APBA2: variants seen among roughly 807,000 people sequenced by gnomAD.
APBA2 encodes the protein amyloid-beta A4 precursor protein-binding family A member 2.
Under a neutral mutation model 75.0 loss-of-function variants are expected in APBA2, and 30 were observed. That is an observed-to-expected ratio of 0.40 (90% CI 0.30 to 0.54). The LOEUF is 0.54. Ranked by LOEUF, APBA2 falls within the 20% of genes least tolerant of loss-of-function variation. The pLI, the probability that APBA2 is intolerant of heterozygous loss-of-function variation, is 0.49. For synonymous variants in APBA2, 444 were observed against 409.6 expected (o/e 1.08, Z -1.01); for missense variants, 801 against 1,016.1 (o/e 0.79, Z 2.88).
chr15:29,073,279 A>C (rs1449601540), intron 4 of APBA2, among the ~76,000 whole-genome samples: 1 of 152,234 alleles, frequency 6.6e-6, no homozygotes, highest in Admixed American at 6.5e-5. Context: ...CTCACCTGTC[A>C]AGCAGGGGGA....
At chr15:28,906,350 C>G (rs2033132172) in intron 1 of APBA2, among the ~76,000 whole-genome samples, 1 of 152,172 alleles carries the variant, frequency 6.6e-6, no homozygotes, top group Admixed American at 6.5e-5. Flanking sequence ...CTGGAAGCAG[C>G]ATTATTCTCT....
chr15:28,986,918 C>T (rs1244289264), intron 2 of APBA2, among the ~76,000 whole-genome samples: 4 of 152,190 alleles, frequency 2.6e-5, no homozygotes, highest in African/African-American at 4.8e-5. Context: ...AAGATCAAGG[C>T]GCCAACAGAT....
chr15:28,956,470 C>T (rs531498411), intron 2 of APBA2, among the ~76,000 whole-genome samples: 6 of 152,278 alleles, frequency 3.9e-5, no homozygotes, highest in African/African-American at 1.2e-4. Context: ...GGCTTTCAGT[C>T]CCACGTTTAG....
intron 2 of APBA2, among the ~76,000 whole-genome samples, chr15:28,942,028 G>A (rs139313627): frequency 0.011 from 1,690 of 152,318 alleles, 45 homozygotes; most frequent in African/African-American, 0.039. Context: ...TAAAGTGCTG[G>A]GATTACAGGC....
At chr15:28,934,597 G>GGGCTCTGCCTT (rs1377134745) in intron 2 of APBA2, among the ~76,000 whole-genome samples, 2 of 152,158 alleles carry the variant, frequency 1.3e-5, no homozygotes, top group African/African-American at 4.8e-5. Flanking sequence ...ATGCCACACT[G>GGGCTCTGCCTT]GGCTCTGCCT....
intron 3 of APBA2, among the ~76,000 whole-genome samples, chr15:29,038,187 A>G (rs1036331257): frequency 1.3e-5 from 2 of 151,822 alleles, no homozygotes; most frequent in Admixed American, 6.6e-5. Context: ...CCTTCCCCAC[A>G]CTGTCTGAAC....
At position 29,030,960 on chromosome 15, in the gene APBA2, G is replaced by A. The variant is rs181221652; in HGVS notation, c.-40-22885G>A. On this transcript the variant is annotated intron_variant, in intron 3 of 14. Coordinates refer to ENST00000683413, the MANE Select transcript of APBA2 (RefSeq NM_001353788.2). ...GAAGCTATGTTGTGAAGTTTATAAA[G>A]GTACATGATGCTCTTGGTGGATTAT... 9.9e-4 allele frequency among the ~76,000 whole-genome samples: 150 copies of A among 151,564 alleles called. 1 individual carries two copies. Among genetic ancestry groups the A allele is most frequent in the African/African-American group, 3.3e-3 (138 of 41,316 alleles).
chr15:29,068,927 A>G (rs1349856974), intron 4 of APBA2, among the ~76,000 whole-genome samples: 1 of 152,194 alleles, frequency 6.6e-6, no homozygotes, highest in African/African-American at 2.4e-5. Context: ...ATTTATCACA[A>G]TGTTGTGCAA....
chr15:28,946,135 G>A (rs1466473604), intron 2 of APBA2, among the ~76,000 whole-genome samples: 1 of 152,198 alleles, frequency 6.6e-6, no homozygotes, highest in African/African-American at 2.4e-5. Context: ...AATTTAAAGA[G>A]CGTTTGTCAT....
intron 3 of APBA2, among the ~76,000 whole-genome samples, chr15:29,018,923 G>A (rs2039812006): frequency 6.6e-6 from 1 of 152,146 alleles, no homozygotes; most frequent in African/African-American, 2.4e-5. Context: ...GGGACATGAG[G>A]ATCCTGACCA....
At chr15:28,897,617 CAAAAAAAA>C (rs370287342) in intron 1 of APBA2, among the ~76,000 whole-genome samples, 29 of 78,752 alleles carry the variant, frequency 3.7e-4, no homozygotes, top group African/African-American at 1.5e-3. Context: ...GATTCCGTCT[CAAAAAAAA>C]AAAAAAAAAA....
chr15:28,976,413 C>G (rs1007739175), intron 2 of APBA2, among the ~76,000 whole-genome samples: 11 of 152,206 alleles, frequency 7.2e-5, no homozygotes, highest in Non-Finnish European at 1.2e-4. Context: ...CTTATTCCTT[C>G]TTGTAGGGCC....
intron 1 of APBA2, among the ~76,000 whole-genome samples, chr15:28,910,665 T>C (rs2033387864): frequency 6.6e-6 from 1 of 152,174 alleles, no homozygotes; most frequent in South Asian, 2.1e-4. Context: ...CCCTTGTCCT[T>C]TTGTACCACA....
At chr15:28,909,623 C>A (rs1385169026) in intron 1 of APBA2, among the ~76,000 whole-genome samples, 1 of 152,204 alleles carries the variant, frequency 6.6e-6, no homozygotes. Context: ...ACCTACTCAT[C>A]CTGCATCGAG....
chr15:28,980,586 A>G (rs891925015), intron 2 of APBA2, among the ~76,000 whole-genome samples: 1 of 152,248 alleles, frequency 6.6e-6, no homozygotes, highest in African/African-American at 2.4e-5. Context: ...ATGGATTGAA[A>G]GAATCAATAT....
At chr15:28,955,774 G>A (rs766418017) in intron 2 of APBA2, among the ~76,000 whole-genome samples, 61 of 152,346 alleles carry the variant, frequency 4.0e-4, no homozygotes, top group Non-Finnish European at 7.2e-4. Flanking sequence ...GAGGCATGGG[G>A]GGCCTTGGTG....
chr15:29,102,090 C>A (rs866173437), intron 10 of APBA2: 1 of 512,426 alleles, frequency 2.0e-6, no homozygotes, highest in Non-Finnish European at 3.5e-6. Flanking sequence ...TGAAGTTAAT[C>A]TTTGCATAAC....
chr15:28,915,075 TACACCACACACCACAAAC>T, intron 1 of APBA2, among the ~76,000 whole-genome samples: 1 of 43,218 alleles, frequency 2.3e-5, no homozygotes. Flanking sequence ...ATACCCCATA[TACACCACACACCACAAAC>T]ATACCATACC....
chr15:28,928,851 A>G (rs2034416670), intron 2 of APBA2, among the ~76,000 whole-genome samples: 1 of 152,158 alleles, frequency 6.6e-6, no homozygotes, highest in Admixed American at 6.5e-5. Context: ...TGTGGCTTCT[A>G]GGAGTTTCTC....
Sources: gnomAD v4.1 joint callset for allele counts (sites outside exome capture counted in the v4.1 genomes callset) on GRCh38, gnomAD v4.1.1 for gene constraint, MANE v1.5 for transcripts, NCBI Gene and HGNC (gene_info 2026-07-23, HGNC 2026-07-21) for gene names.